Variants in GALNT14 observed in about 807,000 individuals in gnomAD.
The protein encoded by GALNT14 is UDP-GalNAc:polypeptide N-acetylgalactosaminyltransferase 14.
In GALNT14, 60 loss-of-function variants were observed where a neutral mutation model predicts 77.5. That is an observed-to-expected ratio of 0.77 (90% CI 0.63 to 0.96). GALNT14 has a LOEUF of 0.96. Among genes scored for constraint, GALNT14 ranks in the 40% least tolerant of loss-of-function variants. The probability of loss-of-function intolerance (pLI) is 0.00; values close to 1 mark genes in which losing one functional copy is unlikely to be tolerated. For missense variants in GALNT14, 710 were observed against 731.0 expected (o/e 0.97, Z 0.33); for synonymous variants, 280 against 281.7 (o/e 0.99, Z 0.06).
the GALNT14 span, among the ~76,000 whole-genome samples, chr2:30,889,983 G>A: frequency 6.6e-6 from 1 of 152,166 alleles, no homozygotes; most frequent in Non-Finnish European, 1.5e-5. Context: ...TAGTCTTGGA[G>A]CAAATGTCTC....
rs1309096890 is a variant in GALNT14 at position 31,000,482 on chromosome 2, G to T, written c.130-7475C>A. On this transcript the variant is annotated intron_variant, in intron 1 of 14. Transcript: ENST00000349752. ...GTGTGTGTGTGTGTGTGTATACACA[G>T]AAATTGAGAGGACAGATTGATTGAT... is the stretch of plus-strand genomic sequence containing the variant. 6.0e-5 allele frequency among the ~76,000 whole-genome samples: 7 copies of T among 116,390 alleles called. No homozygotes were observed. In the Admixed American group the frequency reaches 6.1e-4, roughly 10 times the overall value. 76.4% of individuals were successfully genotyped at this position (116,390 alleles called of 152,430 possible).
chr2:31,069,599 C>T (rs1307635675), intron 1 of GALNT14, among the ~76,000 whole-genome samples: 1 of 152,142 alleles, frequency 6.6e-6, no homozygotes, highest in East Asian at 1.9e-4. Context: ...AGTCTGTCTC[C>T]AGCCTTCCCT....
chr2:31,058,479 G>A (rs750275706), intron 1 of GALNT14, among the ~76,000 whole-genome samples: 1 of 152,076 alleles, frequency 6.6e-6, no homozygotes, highest in Non-Finnish European at 1.5e-5. Context: ...GATCATCAGG[G>A]TCAGAATCAT....
At chr2:31,105,330 C>T (rs1052722003) in intron 1 of GALNT14, among the ~76,000 whole-genome samples, 1 of 152,188 alleles carries the variant, frequency 6.6e-6, no homozygotes, top group Non-Finnish European at 1.5e-5. Flanking sequence ...TTTTCTTGAG[C>T]ATTTCCTGAC....
intron 1 of GALNT14, among the ~76,000 whole-genome samples, chr2:31,056,483 A>G (rs1311100670): frequency 6.6e-6 from 1 of 152,174 alleles, no homozygotes; most frequent in Admixed American, 6.5e-5. Flanking sequence ...CACTGGCCAG[A>G]CATTATGACC....
At chr2:31,081,408 A>G (rs1676149560) in intron 1 of GALNT14, among the ~76,000 whole-genome samples, 1 of 152,246 alleles carries the variant, frequency 6.6e-6, no homozygotes, top group South Asian at 2.1e-4. Flanking sequence ...TGAAAAGCTT[A>G]CCTTTCTTTT....
rs140107954 is a variant in GALNT14, at chr2:30,992,999, G to A, written c.138C>T (p.Asp46=). 1.4e-4 allele frequency: 227 copies of A among 1,614,054 alleles called. No individual in the cohort carries two copies. The African/African-American group carries it at 2.2e-3, about 16-fold the overall frequency. ...GPEVQTPKPS[D]ADWDDLWDQF... is the part of the protein sequence containing the mutation. ...GGTCCCACAGGTCGTCCCAGTCAGC[G>A]TCCGAAGGCTGCGTGACACGAATGG... is the stretch of plus-strand genomic sequence containing the variant. The change falls in exon 2 of 15, where the codon GAC becomes GAT. Residue 46 remains aspartate (D), a synonymous_variant. Coordinates refer to ENST00000349752, the MANE Select transcript of GALNT14 (RefSeq NM_024572.4).
At chr2:30,897,105 G>C in the GALNT14 span, among the ~76,000 whole-genome samples, 2 of 152,100 alleles carry the variant, frequency 1.3e-5, no homozygotes, top group Non-Finnish European at 2.9e-5. Flanking sequence ...CCCCTTCCCA[G>C]CTTTACCTGC....
chr2:30,913,539 C>A (rs377108483), intron 13 of GALNT14, among the ~76,000 whole-genome samples: 7 of 152,158 alleles, frequency 4.6e-5, no homozygotes, highest in African/African-American at 1.7e-4. Flanking sequence ...CTGCTGAAAG[C>A]TTTAATTGTT....
chr2:31,110,795 G>C (rs867807547), intron 1 of GALNT14, among the ~76,000 whole-genome samples: 1 of 152,124 alleles, frequency 6.6e-6, no homozygotes, highest in Non-Finnish European at 1.5e-5. Flanking sequence ...GGGAGAAACT[G>C]ACTCTGTGAC....
At chr2:30,896,557 A>G in the GALNT14 span, among the ~76,000 whole-genome samples, 2 of 152,200 alleles carry the variant, frequency 1.3e-5, no homozygotes, top group Non-Finnish European at 2.9e-5. Flanking sequence ...ATGTGCATTG[A>G]CTAAGGTAAA....
chr2:31,098,393 A>C (rs1301009753), intron 1 of GALNT14, among the ~76,000 whole-genome samples: 5 of 152,164 alleles, frequency 3.3e-5, no homozygotes, highest in Admixed American at 3.3e-4. Context: ...GATGTGCATC[A>C]TCTTCTGACA....
At chr2:31,025,457 G>A (rs1671981775) in intron 1 of GALNT14, among the ~76,000 whole-genome samples, 1 of 152,152 alleles carries the variant, frequency 6.6e-6, no homozygotes, top group Non-Finnish European at 1.5e-5. Flanking sequence ...CAAGTGACAA[G>A]CTAAGGAGGC....
At chr2:31,044,651 C>G (rs751919146) in intron 1 of GALNT14, among the ~76,000 whole-genome samples, 1 of 132,012 alleles carries the variant, frequency 7.6e-6, no homozygotes, top group Non-Finnish European at 1.7e-5. Flanking sequence ...GGTGAGGTGA[C>G]TCATGCCTAT....
At chr2:30,933,938 T>C (rs1453181206) in intron 9 of GALNT14, among the ~76,000 whole-genome samples, 1 of 152,206 alleles carries the variant, frequency 6.6e-6, no homozygotes, top group Non-Finnish European at 1.5e-5. Flanking sequence ...CAGCAGGAGT[T>C]ATTATGAGAC....
intron 4 of GALNT14, 113 bp from the exon 5 acceptor site, chr2:30,956,090 C>A (rs1264834411): frequency 1.0e-6 from 1 of 979,150 alleles, no homozygotes. Flanking sequence ...TGTCCACTGT[C>A]CCCTAACTGC....
intron 1 of GALNT14, among the ~76,000 whole-genome samples, chr2:31,079,675 C>G (rs1164371587): frequency 6.6e-6 from 1 of 152,148 alleles, no homozygotes; most frequent in African/African-American, 2.4e-5. Flanking sequence ...CCTCTTCAGC[C>G]TCTTGAACAT....
At chr2:31,088,699 A>G (rs190999231) in intron 1 of GALNT14, among the ~76,000 whole-genome samples, 1 of 152,316 alleles carries the variant, frequency 6.6e-6, no homozygotes, top group African/African-American at 2.4e-5. Flanking sequence ...TACAAGGGAA[A>G]ATATGCAGTC....
intron 2 of GALNT14, among the ~76,000 whole-genome samples, chr2:30,970,560 G>C (rs185328739): frequency 1.3e-5 from 2 of 152,104 alleles, no homozygotes; most frequent in African/African-American, 4.8e-5. Flanking sequence ...CAAGCTCATG[G>C]TTTAGAAAAG....
Sources: gnomAD v4.1 joint callset for allele counts (sites outside exome capture counted in the v4.1 genomes callset) on GRCh38, gnomAD v4.1.1 for gene constraint, MANE v1.5 for transcripts, NCBI Gene and HGNC (gene_info 2026-07-23, HGNC 2026-07-21) for gene names.